RERG: variants seen among roughly 807,000 people sequenced by gnomAD.
The protein encoded by RERG is ras-related and estrogen-regulated growth inhibitor.
In RERG, 25 loss-of-function variants were observed where a neutral mutation model predicts 23.2. The observed-to-expected ratio is 1.08, with a 90% CI of 0.79 to 1.50. RERG has a LOEUF of 1.50. Ranked by LOEUF, RERG falls within the 40% of genes most tolerant of loss-of-function variation. The pLI, the probability that RERG is intolerant of heterozygous loss-of-function variation, is 0.00. For synonymous variants in RERG, 81 were observed against 89.1 expected (o/e 0.91, Z 0.51); for missense variants, 253 against 250.1 (o/e 1.01, Z -0.08).
intron 2 of RERG, among the ~76,000 whole-genome samples, chr12:15,209,109 C>G (rs1218993689): frequency 2.6e-5 from 4 of 152,212 alleles, no homozygotes; most frequent in Non-Finnish European, 5.9e-5. Context: ...TGAGTGTATT[C>G]ATCTGGCCTT....
chr12:15,143,001 A>C (rs1023595382), intron 2 of RERG, among the ~76,000 whole-genome samples: 3 of 152,174 alleles, frequency 2.0e-5, no homozygotes, highest in Non-Finnish European at 4.4e-5. Flanking sequence ...AAAAAGAATA[A>C]AAGTGACTTT....
chr12:15,187,612 G>C (rs1288139408), intron 2 of RERG, among the ~76,000 whole-genome samples: 3 of 151,790 alleles, frequency 2.0e-5, no homozygotes, highest in African/African-American at 7.3e-5. Flanking sequence ...AGGCTGTAGG[G>C]CAACGGCGCA....
At chr12:15,196,045 T>G (rs1299438179) in intron 2 of RERG, among the ~76,000 whole-genome samples, 1 of 152,142 alleles carries the variant, frequency 6.6e-6, no homozygotes, top group African/African-American at 2.4e-5. Flanking sequence ...TGTGGGAACT[T>G]TGACTGCCTA....
At chr12:15,162,433 T>C (rs868660452) in intron 2 of RERG, among the ~76,000 whole-genome samples, 1 of 152,320 alleles carries the variant, frequency 6.6e-6, no homozygotes, top group Middle Eastern at 3.4e-3. Context: ...AAATCCATAA[T>C]TAAGAACCCC....
intron 2 of RERG, among the ~76,000 whole-genome samples, chr12:15,159,681 G>C (rs574933486): frequency 6.6e-6 from 1 of 152,272 alleles, no homozygotes; most frequent in East Asian, 1.9e-4. Flanking sequence ...AAACTTAGCT[G>C]GGCGTGGTGG....
At position 15,109,259 on chromosome 12, in the gene RERG, T is replaced by G; in HGVS notation, c.451A>C (p.Thr151Pro). 1 of 1,614,152 alleles carries G rather than the reference T, an allele frequency of 6.2e-7. No homozygotes were observed. The highest frequency in any genetic ancestry group is 8.5e-7 in the Non-Finnish European group (1 of 1,180,008). The change falls in exon 5 of 5, where the codon ACT becomes CCT. Residue 151 changes from threonine to proline, a missense_variant. Physicochemically the swap from Thr to Pro is conservative, Grantham distance 38. Coordinates refer to ENST00000256953, the MANE Select transcript of RERG (RefSeq NM_032918.3). ...ACAFYECSAC[T>P]GEGNITEIFY... is the part of the protein sequence containing the mutation. ...ATCTCTGTGATGTTCCCTTCTCCAG[T>G]GCAGGCAGAGCACTCGTAAAAAGCA... is the stretch of plus-strand genomic sequence containing the variant.
intron 2 of RERG, among the ~76,000 whole-genome samples, chr12:15,206,436 C>G (rs1865291092): frequency 6.6e-6 from 1 of 152,134 alleles, no homozygotes; most frequent in Non-Finnish European, 1.5e-5. Context: ...AAGCTATATG[C>G]TTTTCTGAAG....
chr12:15,162,543 C>T (rs1864629808), intron 2 of RERG, among the ~76,000 whole-genome samples: 1 of 152,142 alleles, frequency 6.6e-6, no homozygotes, highest in Non-Finnish European at 1.5e-5. Context: ...TCCCATTATA[C>T]ATAAGCATTA....
intron 2 of RERG, among the ~76,000 whole-genome samples, chr12:15,200,450 A>G (rs535461282): frequency 6.6e-6 from 1 of 152,200 alleles, no homozygotes; most frequent in South Asian, 2.1e-4. Flanking sequence ...GGTCTTTTGC[A>G]TTTATGAAAA....
intron 2 of RERG, among the ~76,000 whole-genome samples, chr12:15,208,178 G>A (rs1208765668): frequency 2.6e-5 from 4 of 152,100 alleles, no homozygotes; most frequent in African/African-American, 4.8e-5. Context: ...TTTCCACCCT[G>A]CCAACCTTAC....
At chr12:15,208,511 AGTCCT>A (rs1865323329) in intron 2 of RERG, among the ~76,000 whole-genome samples, 1 of 152,166 alleles carries the variant, frequency 6.6e-6, no homozygotes, top group Admixed American at 6.5e-5. Flanking sequence ...TTATTTATTA[AGTCCT>A]AGTATGTGTC....
intron 2 of RERG, among the ~76,000 whole-genome samples, chr12:15,161,285 G>A (rs147200828): frequency 0.011 from 1,685 of 152,118 alleles, 29 homozygotes; most frequent in African/African-American, 0.039. Flanking sequence ...AATAAAGTAG[G>A]CCACTGTGTC....
intron 1 of RERG, among the ~76,000 whole-genome samples, chr12:15,219,645 A>G (rs1316571905): frequency 6.6e-6 from 1 of 152,246 alleles, no homozygotes; most frequent in Non-Finnish European, 1.5e-5. Context: ...GTGGAGATAT[A>G]TTAACTATTT....
chr12:15,205,745 T>A (rs1282935721), intron 2 of RERG, among the ~76,000 whole-genome samples: 1 of 152,104 alleles, frequency 6.6e-6, no homozygotes, highest in Non-Finnish European at 1.5e-5. Flanking sequence ...AAGAACTTTT[T>A]AAAAGATTTA....
chr12:15,179,779 A>G (rs1864899927), intron 2 of RERG, among the ~76,000 whole-genome samples: 1 of 152,154 alleles, frequency 6.6e-6, no homozygotes, highest in Non-Finnish European at 1.5e-5. Flanking sequence ...GAGAAAAAAA[A>G]AGGAGACACT....
intron 2 of RERG, among the ~76,000 whole-genome samples, chr12:15,136,836 G>A (rs1864151941): frequency 6.6e-6 from 1 of 151,902 alleles, no homozygotes; most frequent in African/African-American, 2.4e-5. Flanking sequence ...TCTTATGAAT[G>A]TTCTGTGTAA....
chr12:15,112,067 A>C (rs1181543771), intron 3 of RERG, among the ~76,000 whole-genome samples: 1 of 152,142 alleles, frequency 6.6e-6, no homozygotes, highest in East Asian at 1.9e-4. Flanking sequence ...CAACAATGTA[A>C]ATTGAGAAGG....
At chr12:15,180,594 C>T (rs1243532960) in intron 2 of RERG, among the ~76,000 whole-genome samples, 3 of 152,184 alleles carry the variant, frequency 2.0e-5, no homozygotes, top group Non-Finnish European at 4.4e-5. Flanking sequence ...TCATCCACAG[C>T]ACCCTCTAAC....
At chr12:15,132,112 G>A (rs550996310) in intron 2 of RERG, among the ~76,000 whole-genome samples, 2 of 152,174 alleles carry the variant, frequency 1.3e-5, no homozygotes, top group Admixed American at 1.3e-4. Context: ...ACATCTTTTT[G>A]TTTTATAAAG....
Sources: allele counts gnomAD v4.1 joint callset (sites outside exome capture counted in the v4.1 genomes callset), GRCh38; gene constraint gnomAD v4.1.1; transcripts MANE v1.5; gene names NCBI Gene and HGNC (gene_info 2026-07-23, HGNC 2026-07-21).